The following SCARA5 variants were observed in gnomAD, a reference collection of about 807,000 sequenced individuals.
The protein encoded by SCARA5 is scavenger receptor class A member 5, also known as scavenger receptor class A, member 5 (putative).
A neutral mutation model predicts 46.3 loss-of-function variants in SCARA5; 45 were observed. The ratio of observed to expected loss-of-function variants is 0.97; its 90% confidence interval spans 0.76 to 1.24. The LOEUF (loss-of-function observed/expected upper bound fraction) is 1.24. SCARA5 is among the 50% of genes most tolerant of loss of function. The pLI is 0.00. For synonymous variants in SCARA5, 333 were observed against 306.5 expected, an observed-to-expected ratio of 1.09 and a Z score of -0.90; for missense variants, 680 against 689.0, an observed-to-expected ratio of 0.99 and a Z score of 0.15.
chr8:27,968,981 G>A (rs1400495839), intron 2 of SCARA5, among the ~76,000 whole-genome samples: 1 of 152,130 alleles, frequency 6.6e-6, no homozygotes, highest in Non-Finnish European at 1.5e-5. Context: ...GCAAGACTTG[G>A]TTACTTTGTG....
At chr8:27,980,605 C>T (rs1808599679) in intron 2 of SCARA5, among the ~76,000 whole-genome samples, 1 of 152,194 alleles carries the variant, frequency 6.6e-6, no homozygotes, top group Admixed American at 6.5e-5. Context: ...TCTGTACCCC[C>T]TCCCTCCTCT....
chr8:27,872,410 C>T (rs1806654091), intron 8 of SCARA5, among the ~76,000 whole-genome samples: 1 of 152,182 alleles, frequency 6.6e-6, no homozygotes, highest in Non-Finnish European at 1.5e-5. Context: ...GGGTAAAATC[C>T]CTTTACAAAG....
At chr8:27,982,748 C>T (rs1808643070) in intron 2 of SCARA5, among the ~76,000 whole-genome samples, 1 of 152,134 alleles carries the variant, frequency 6.6e-6, no homozygotes, top group South Asian at 2.1e-4. Context: ...TTGAAGGATG[C>T]AGGGACAGGA....
chr8:27,918,890 GGGAAGA>G (rs377719064), intron 4 of SCARA5, among the ~76,000 whole-genome samples: 2 of 48,060 alleles, frequency 4.2e-5, no homozygotes, highest in Non-Finnish European at 8.6e-5. Flanking sequence ...GAAGGAGGAG[GGGAAGA>G]AAGAGGAGGA....
intron 7 of SCARA5, among the ~76,000 whole-genome samples, chr8:27,881,501 G>A (rs114981166): frequency 6.6e-6 from 1 of 151,046 alleles, no homozygotes; most frequent in Non-Finnish European, 1.5e-5. Flanking sequence ...CTAAACACAG[G>A]GGTGGGGGTG....
rs1807584989 is a variant in SCARA5 at position 27,921,592 on chromosome 8, G to A, written c.895C>T (p.Arg299Trp). ...LKDWEHSIAL[R>W]NISLAKGPPG... ...GTACCTTTCGCGAGGGAGATGTTCCGCAGTGCGATGGAGTGCTCCCAGTCC... is the reference window on the plus strand; with the variant it reads ...GTACCTTTCGCGAGGGAGATGTTCCACAGTGCGATGGAGTGCTCCCAGTCC... The change falls in exon 4 of 9, where the codon CGG becomes TGG. Residue 299 changes from arginine to tryptophan, a missense_variant. By Grantham distance (101) the Arg-to-Trp change is moderately radical. Transcript: ENST00000354914. The A allele has an allele frequency of 3.8e-6, 6 of 1,563,288 alleles. 1 individual carries two copies. The South Asian group carries it at 5.9e-5, about 15-fold the overall frequency.
intron 3 of SCARA5, among the ~76,000 whole-genome samples, chr8:27,950,278 G>T (rs2726949): frequency 3.9e-5 from 6 of 152,056 alleles, no homozygotes; most frequent in Non-Finnish European, 7.4e-5. Flanking sequence ...AGCCAGACCT[G>T]GGGGTTGCCA....
chr8:27,951,585 C>T (rs573651513), intron 3 of SCARA5, among the ~76,000 whole-genome samples: 45 of 152,324 alleles, frequency 3.0e-4, no homozygotes, highest in African/African-American at 8.9e-4. Context: ...GCTGGACCTC[C>T]GGTGCAGAGG....
chr8:27,885,825 A>C (rs933108089), intron 7 of SCARA5, among the ~76,000 whole-genome samples: 2 of 152,240 alleles, frequency 1.3e-5, no homozygotes, highest in African/African-American at 4.8e-5. Context: ...TGCAATGGGA[A>C]GTCTGGAAAA....
chr8:27,954,941 T>G (rs1177748195), intron 3 of SCARA5, among the ~76,000 whole-genome samples: 1 of 152,218 alleles, frequency 6.6e-6, no homozygotes, highest in Non-Finnish European at 1.5e-5. Flanking sequence ...GAAGACAGCC[T>G]GCCAGACTGT....
chr8:27,904,637 A>G, intron 7 of SCARA5, 141 bp downstream of exon 7: 1 of 802,432 alleles, frequency 1.2e-6, no homozygotes, highest in Admixed American at 1.8e-5. Flanking sequence ...GCAGAGCCCT[A>G]AAAAAGGTAG....
At chr8:27,976,781 C>A (rs1808530494) in intron 2 of SCARA5, among the ~76,000 whole-genome samples, 1 of 152,228 alleles carries the variant, frequency 6.6e-6, no homozygotes, top group South Asian at 2.1e-4. Context: ...GCAGGCCATG[C>A]CAGAGGAGGG....
intron 3 of SCARA5, among the ~76,000 whole-genome samples, chr8:27,951,042 G>A (rs1009033133): frequency 1.3e-5 from 2 of 152,128 alleles, no homozygotes; most frequent in African/African-American, 4.8e-5. Context: ...TCAGAGGATG[G>A]CCTTAGGATC....
chr8:27,946,256 G>A (rs140649645), intron 3 of SCARA5, among the ~76,000 whole-genome samples: 244 of 152,306 alleles, frequency 1.6e-3, no homozygotes, highest in Non-Finnish European at 2.1e-3. Flanking sequence ...ACATGCATAC[G>A]CTATCACAGG....
At chr8:27,891,464 A>G (rs1269591833) in intron 7 of SCARA5, among the ~76,000 whole-genome samples, 1 of 152,156 alleles carries the variant, frequency 6.6e-6, no homozygotes, top group Non-Finnish European at 1.5e-5. Context: ...TCGGCCTCCC[A>G]AAGTGCTGGG....
chr8:27,886,272 C>G (rs937030432), intron 7 of SCARA5, among the ~76,000 whole-genome samples: 1 of 152,256 alleles, frequency 6.6e-6, no homozygotes, highest in Admixed American at 6.5e-5. Context: ...ACAGGGTCAA[C>G]AGATGCTGCC....
chr8:27,930,603 T>C (rs1013939620), intron 3 of SCARA5, among the ~76,000 whole-genome samples: 1 of 152,154 alleles, frequency 6.6e-6, no homozygotes, highest in East Asian at 1.9e-4. Context: ...GGTTTCTCCA[T>C]GTTGGTCAGG....
chr8:27,968,326 A>G (rs2129943373), intron 2 of SCARA5, among the ~76,000 whole-genome samples: 1 of 152,356 alleles, frequency 6.6e-6, no homozygotes, highest in East Asian at 1.9e-4. Flanking sequence ...AGTGTCGAGC[A>G]AGTTGTCAAT....
intron 7 of SCARA5, among the ~76,000 whole-genome samples, chr8:27,893,590 C>T (rs916219113): frequency 6.6e-6 from 1 of 152,182 alleles, no homozygotes; most frequent in Non-Finnish European, 1.5e-5. Context: ...CACACAGATC[C>T]TCTCCTCTCT....
Sources: gnomAD v4.1 joint callset for allele counts (sites outside exome capture counted in the v4.1 genomes callset) on GRCh38, gnomAD v4.1.1 for gene constraint, MANE v1.5 for transcripts, NCBI Gene and HGNC (gene_info 2026-07-23, HGNC 2026-07-21) for gene names.